TRMT10B: variants seen among roughly 807,000 people sequenced by gnomAD.
TRMT10B encodes tRNA methyltransferase 10 homolog B.
In TRMT10B, 33 loss-of-function variants were observed where a neutral mutation model predicts 43.8. The ratio of observed to expected loss-of-function variants is 0.75; its 90% confidence interval spans 0.57 to 1.01. The LOEUF is 1.01. TRMT10B is among the 50% of genes least tolerant of loss of function. The pLI is 0.00. For missense variants in TRMT10B, 362 were observed against 369.8 expected, an observed-to-expected ratio of 0.98 and a Z score of 0.17; for synonymous variants, 137 against 130.6, an observed-to-expected ratio of 1.05 and a Z score of -0.34.
At chr9:37,776,760 G>A (rs777227240) in intron 8 of TRMT10B, among the ~76,000 whole-genome samples, 33 of 151,868 alleles carry the variant, frequency 2.2e-4, no homozygotes, top group Non-Finnish European at 4.7e-4. Context: ...TCAGTCAGGC[G>A]TGGTGGTGCA....
chr9:37,773,606 C>G (rs542891621), intron 7 of TRMT10B, among the ~76,000 whole-genome samples: 1 of 152,294 alleles, frequency 6.6e-6, no homozygotes, highest in South Asian at 2.1e-4. Context: ...GAGGCCAAGT[C>G]AGGCAAATCA....
At chr9:37,756,816 ATATG>A (rs1825761423) in intron 1 of TRMT10B, among the ~76,000 whole-genome samples, 1 of 142,188 alleles carries the variant, frequency 7.0e-6, no homozygotes, top group African/African-American at 2.8e-5. Context: ...ATATGTGTGC[ATATG>A]TGTGTATGCG....
intron 1 of TRMT10B, among the ~76,000 whole-genome samples, chr9:37,758,503 T>C (rs1458025814): frequency 6.6e-6 from 1 of 152,158 alleles, no homozygotes; most frequent in Non-Finnish European, 1.5e-5. Context: ...GGGCAAAATG[T>C]AAAACCTACC....
intron 1 of TRMT10B, among the ~76,000 whole-genome samples, chr9:37,758,067 C>G (rs1825908455): frequency 6.6e-6 from 1 of 152,122 alleles, no homozygotes; most frequent in Non-Finnish European, 1.5e-5. Context: ...AAACATAATT[C>G]TAGGACACTA....
In TRMT10B at chr9:37,763,162, A is replaced by C. The variant is rs1242180185; in HGVS notation, c.296-467A>C. Among the ~76,000 whole-genome samples, 6 of 113,910 alleles carry C rather than the reference A, an allele frequency of 5.3e-5. No homozygotes were observed. The South Asian group carries it at 7.0e-4, about 13-fold the overall frequency. The allele number at this position is 113,910 out of a possible 152,430, so 74.7% of individuals were successfully genotyped here. ...CTGTCTCAAAAAAAAAAAAAAAAAAAAAACAAAAAAAAAAATTTAAGGCTG... is the reference window on the plus strand; with the variant it reads ...CTGTCTCAAAAAAAAAAAAAAAAAACAAACAAAAAAAAAAATTTAAGGCTG... On this transcript the variant is annotated intron_variant, in intron 3 of 8. Coordinates refer to ENST00000297994, the MANE Select transcript of TRMT10B (RefSeq NM_144964.4).
intron 7 of TRMT10B, among the ~76,000 whole-genome samples, chr9:37,775,258 A>G (rs554371774): frequency 5.3e-5 from 8 of 152,234 alleles, no homozygotes; most frequent in African/African-American, 1.7e-4. Flanking sequence ...GGTTAGAGTG[A>G]TACAGTTAAC....
At chr9:37,753,003 A>G (rs150726168), upstream of TRMT10B, among the ~76,000 whole-genome samples, 120 of 152,274 alleles carry the variant, frequency 7.9e-4, no homozygotes, top group East Asian at 0.021. Context: ...TTTGTGAGCT[A>G]TAACACTCGC....
rs147850743 is a variant in TRMT10B at position 37,761,483 on chromosome 9, G to C, written c.-29-420G>C. ...GGGGGCCGAGATGGGTAGATCACTT[G>C]AGGTCAGGAGTCCGAGACCAGCCTG... On this transcript the variant is annotated intron_variant, in intron 1 of 8. Transcript: ENST00000297994. Among the ~76,000 whole-genome samples the C allele has an allele frequency of 9.2e-5, 14 of 152,306 alleles. 3 individuals carry two copies. The highest frequency in any genetic ancestry group is 3.1e-4 in the African/African-American group (13 of 41,564).
intron 7 of TRMT10B, 100 bp downstream of exon 7, chr9:37,770,839 C>A: frequency 8.1e-7 from 1 of 1,232,754 alleles, no homozygotes; most frequent in Non-Finnish European, 1.1e-6. Context: ...TCTAAGAACT[C>A]AGAGGGAACA....
At chr9:37,753,559 T>C (rs1485799644), upstream of TRMT10B, among the ~76,000 whole-genome samples, 1 of 152,116 alleles carries the variant, frequency 6.6e-6, no homozygotes, top group African/African-American at 2.4e-5. Context: ...AGAGCACCTG[T>C]AGGAGCCCTG....
rs1330648446 is a variant in TRMT10B, at chr9:37,777,937, G to A, written c.*230G>A. The A allele has an allele frequency of 8.0e-6, 3 of 376,562 alleles. No individual in the cohort carries two copies. The highest frequency in any genetic ancestry group is 5.9e-5 in the East Asian group (1 of 16,864). The allele number at this position is 376,562 out of a possible 1,614,324, so 23.3% of individuals were successfully genotyped here. On this transcript the variant is annotated 3_prime_UTR_variant, in exon 9 of 9. Coordinates refer to ENST00000297994, the MANE Select transcript of TRMT10B (RefSeq NM_144964.4). ...GGAGAATCACTTGAACTCGGGAGGC[G>A]AAGGTTGCAGTGAGCCGAGATTTCA...
intron 5 of TRMT10B, among the ~76,000 whole-genome samples, chr9:37,768,559 G>A (rs1271236313): frequency 6.6e-6 from 1 of 152,174 alleles, no homozygotes; most frequent in South Asian, 2.1e-4. Flanking sequence ...GGAAGAGAAG[G>A]AATCCCTTTA....
At chr9:37,759,822 C>T (rs142285939) in intron 1 of TRMT10B, among the ~76,000 whole-genome samples, 2,456 of 152,206 alleles carry the variant, frequency 0.016, 28 homozygotes, top group Middle Eastern at 0.048. Flanking sequence ...ATCTCAAAAA[C>T]AAAAACTTTC....
At chr9:37,763,510 C>A (rs1397928403) in intron 3 of TRMT10B, 119 bp from the exon 4 acceptor site, 2 of 796,288 alleles carry the variant, frequency 2.5e-6, no homozygotes, top group East Asian at 2.6e-5. Flanking sequence ...TGAACGAATA[C>A]CTTACATCAG....
At chr9:37,773,344 C>G (rs1368052736) in intron 7 of TRMT10B, among the ~76,000 whole-genome samples, 1 of 151,294 alleles carries the variant, frequency 6.6e-6, no homozygotes, top group Admixed American at 6.6e-5. Flanking sequence ...TGGTCTTGAA[C>G]TCCAGGCCTC....
At chr9:37,756,461 C>T (rs1429268731) in intron 1 of TRMT10B, among the ~76,000 whole-genome samples, 2 of 151,042 alleles carry the variant, frequency 1.3e-5, no homozygotes, top group African/African-American at 2.4e-5. Flanking sequence ...AATCCCAGCA[C>T]TTTGGGAGCC....
chr9:37,752,964 G>GT (rs1825083575), upstream of TRMT10B, among the ~76,000 whole-genome samples: 1 of 152,126 alleles, frequency 6.6e-6, no homozygotes, highest in African/African-American at 2.4e-5. Flanking sequence ...AAATCTTGTT[G>GT]CTTGCTAACC....
intron 7 of TRMT10B, among the ~76,000 whole-genome samples, chr9:37,771,851 A>G (rs78140901): frequency 0.13 from 19,450 of 151,678 alleles, 1,408 homozygotes; most frequent in Non-Finnish European, 0.16. Flanking sequence ...CTGCCTCCTG[A>G]GGTGTAGTAT....
chr9:37,770,902 C>T, intron 7 of TRMT10B, 163 bp downstream of exon 7: 1 of 617,380 alleles, frequency 1.6e-6, no homozygotes, highest in Non-Finnish European at 2.7e-6. Context: ...GAAGTTCCCT[C>T]TCTCCTCATG....
Sources: allele counts gnomAD v4.1 joint callset (sites outside exome capture counted in the v4.1 genomes callset), GRCh38; gene constraint gnomAD v4.1.1; transcripts MANE v1.5; gene names NCBI Gene and HGNC (gene_info 2026-07-23, HGNC 2026-07-21).